CEP350: variants seen among roughly 807,000 people sequenced by gnomAD.
CEP350 encodes centrosome-associated protein 350.
CEP350 carries 126 observed loss-of-function variants against 331.8 expected under a neutral mutation model. The observed-to-expected ratio is 0.38, with a 90% confidence interval of 0.33 to 0.44. The LOEUF (loss-of-function observed/expected upper bound fraction) is 0.44. Ranked by LOEUF, CEP350 falls within the 20% of genes least tolerant of loss-of-function variation. The pLI is 1.00. For synonymous variants in CEP350, 1,200 were observed against 1,259.5 expected, an observed-to-expected ratio of 0.95 and a Z score of 1.00; for missense variants, 3,406 against 3,634.6, an observed-to-expected ratio of 0.94 and a Z score of 1.62.
At chr1:180,055,546 C>CTTTTTTTTTTT (rs71118430) in intron 25 of CEP350, among the ~76,000 whole-genome samples, 4 of 87,454 alleles carry the variant, frequency 4.6e-5, no homozygotes, top group African/African-American at 4.4e-5. Context: ...TGAATTCCAT[C>CTTTTTTTTTTT]TTTTTTTTTT....
chr1:180,096,402 C>CA (rs34405391), intron 36 of CEP350, among the ~76,000 whole-genome samples: 80,467 of 138,388 alleles, frequency 0.58, 23,655 homozygotes, highest in East Asian at 0.72. Flanking sequence ...CAAGTTTGTG[C>CA]AAAAAAAAAA....
chr1:180,014,778 A>G (rs1654864644), intron 10 of CEP350, among the ~76,000 whole-genome samples: 2 of 152,216 alleles, frequency 1.3e-5, no homozygotes, highest in Non-Finnish European at 2.9e-5. Context: ...TCATTGTAGT[A>G]CTGAACAAGT....
At chr1:179,980,295 T>G (rs924941625) in intron 1 of CEP350, among the ~76,000 whole-genome samples, 6 of 151,864 alleles carry the variant, frequency 4.0e-5, no homozygotes, top group African/African-American at 1.2e-4. Flanking sequence ...TTCTTTTTTT[T>G]TGTATTTACT....
chr1:180,005,736 A>T (rs560672412), intron 7 of CEP350, among the ~76,000 whole-genome samples: 1 of 152,164 alleles, frequency 6.6e-6, no homozygotes, highest in South Asian at 2.1e-4. Flanking sequence ...CTCTGACCGT[A>T]GTTCCTACTA....
chr1:180,042,144 A>T (rs935216124), intron 19 of CEP350, among the ~76,000 whole-genome samples: 56 of 151,570 alleles, frequency 3.7e-4, no homozygotes, highest in African/African-American at 1.4e-3. Context: ...ACACACACAC[A>T]CACACACACA....
intron 1 of CEP350, among the ~76,000 whole-genome samples, chr1:179,974,566 A>G (rs1425886878): frequency 1.3e-5 from 2 of 152,226 alleles, no homozygotes; most frequent in African/African-American, 2.4e-5. Flanking sequence ...ATTATATTGT[A>G]TACTATTTGT....
intron 14 of CEP350, among the ~76,000 whole-genome samples, chr1:180,025,379 G>A (rs73034408): frequency 0.14 from 20,722 of 152,018 alleles, 1,487 homozygotes; most frequent in South Asian, 0.16. Flanking sequence ...GGGAGATAAT[G>A]TATACATTCC....
intron 25 of CEP350, among the ~76,000 whole-genome samples, chr1:180,055,546 CTTTTTTTTTTTT>C (rs71118430): frequency 1.8e-4 from 16 of 87,476 alleles, no homozygotes; most frequent in African/African-American, 5.7e-4. Context: ...TGAATTCCAT[CTTTTTTTTTTTT>C]TTTTTTTTTT....
At chr1:179,975,679 A>G (rs770560944) in intron 1 of CEP350, among the ~76,000 whole-genome samples, 7 of 152,230 alleles carry the variant, frequency 4.6e-5, no homozygotes, top group Non-Finnish European at 8.8e-5. Context: ...TGTTAATCCA[A>G]TTTATTAAGA....
intron 21 of CEP350, among the ~76,000 whole-genome samples, chr1:180,044,992 A>T (rs1657029436): frequency 6.6e-6 from 1 of 151,890 alleles, no homozygotes; most frequent in South Asian, 2.1e-4. Context: ...TGTTTATTGC[A>T]CATTTCCTTG....
intron 1 of CEP350, among the ~76,000 whole-genome samples, chr1:179,979,741 G>A (rs1652139295): frequency 6.6e-6 from 1 of 151,802 alleles, no homozygotes; most frequent in South Asian, 2.1e-4. Flanking sequence ...GAGAGATGGG[G>A]GTCTGTTTTC....
At chr1:180,108,175 C>T (rs1376460184) in intron 37 of CEP350, among the ~76,000 whole-genome samples, 2 of 151,948 alleles carry the variant, frequency 1.3e-5, no homozygotes, top group South Asian at 2.1e-4. Flanking sequence ...TTGCCAACAC[C>T]GAAATCTTAC....
In CEP350 at chr1:180,021,148, T is replaced by C. The variant is rs376654546; in HGVS notation, c.3235+139T>C. ...CTTATTACTGTCCGTATTAGTCATCTTCTAAATTTCCTGCAAGCCTTAAGT... is the reference window on the plus strand; with the variant it reads ...CTTATTACTGTCCGTATTAGTCATCCTCTAAATTTCCTGCAAGCCTTAAGT... On this transcript the variant is annotated intron_variant, in intron 12 of 37. Coordinates refer to ENST00000367607, the MANE Select transcript of CEP350 (RefSeq NM_014810.5). The C allele has an allele frequency of 1.8e-5, 11 of 611,708 alleles. No individual in the cohort carries two copies. The South Asian group carries it at 7.4e-4, about 41-fold the overall frequency. 37.9% of individuals were successfully genotyped at this position (611,708 alleles called of 1,614,324 possible).
intron 36 of CEP350, among the ~76,000 whole-genome samples, chr1:180,096,885 A>G (rs529574490): frequency 6.6e-6 from 1 of 152,324 alleles, no homozygotes; most frequent in East Asian, 1.9e-4. Flanking sequence ...GAATGATCTG[A>G]GGATCTTGTT....
rs1654841939 is a variant in CEP350 at position 180,014,413 on chromosome 1, A to T, written c.1960A>T (p.Thr654Ser). The change falls in exon 10 of 38, where the codon ACT becomes TCT. Residue 654 changes from threonine (T) to serine (S), a missense_variant. Transcript: ENST00000367607. The stretch of plus-strand genomic sequence containing the variant: ...TGTCCCTCCTTCTGAGCCATCAGCA[A>T]CTAGGCGACTACAGGAAACTTACTC... ...KNVPPSEPSA[T>S]RRLQETYSKL... The T allele has an allele frequency of 3.1e-6, 5 of 1,606,954 alleles. No homozygotes were observed. Among genetic ancestry groups the T allele is most frequent in the Non-Finnish European group, 4.2e-6 (5 of 1,176,590 alleles).
At chr1:180,087,495 T>C (rs187775607) in intron 31 of CEP350, 83 bp from the exon 32 acceptor site, 256 of 1,274,674 alleles carry the variant, frequency 2.0e-4, no homozygotes, top group African/African-American at 1.7e-3. Context: ...TTTGAGCATT[T>C]TACCTTAAAA....
At chr1:179,992,498 T>C (rs1002544805) in intron 5 of CEP350, among the ~76,000 whole-genome samples, 2 of 152,214 alleles carry the variant, frequency 1.3e-5, no homozygotes, top group African/African-American at 4.8e-5. Flanking sequence ...TAAATACGTT[T>C]CCTAGAAACA....
At chr1:180,044,310 A>G (rs1656971762) in intron 21 of CEP350, 137 bp downstream of exon 21, 1 of 805,340 alleles carries the variant, frequency 1.2e-6, no homozygotes, top group Non-Finnish European at 1.8e-6. Flanking sequence ...GGCTTCCCTA[A>G]TTAGCCAATT....
intron 1 of CEP350, among the ~76,000 whole-genome samples, chr1:179,962,367 A>G (rs1379835519): frequency 6.6e-6 from 1 of 152,024 alleles, no homozygotes; most frequent in Non-Finnish European, 1.5e-5. Context: ...GTGTATATGT[A>G]CCACATTTTC....
Sources: gnomAD v4.1 joint callset for allele counts (sites outside exome capture counted in the v4.1 genomes callset) on GRCh38, gnomAD v4.1.1 for gene constraint, MANE v1.5 for transcripts, NCBI Gene and HGNC (gene_info 2026-07-23, HGNC 2026-07-21) for gene names.